The following FLNB variants were observed in gnomAD, a reference collection of about 807,000 sequenced individuals.
FLNB encodes the protein filamin-B.
A neutral mutation model predicts 250.6 loss-of-function variants in FLNB; 111 were observed. That is an observed-to-expected ratio of 0.44 (90% CI 0.38 to 0.52). The LOEUF (loss-of-function observed/expected upper bound fraction) is 0.52. Ranked by LOEUF, FLNB falls within the 20% of genes least tolerant of loss-of-function variation. The pLI is 0.00. For synonymous variants in FLNB, 1,302 were observed against 1,372.1 expected (o/e 0.95, Z 1.13); for missense variants, 2,869 against 3,447.8 (o/e 0.83, Z 4.20).
At position 58,132,900 on chromosome 3, in the gene FLNB, G is replaced by A. The variant is rs2097309808; in HGVS notation, c.4483G>A (p.Val1495Ile). Residue 1495 changes from valine (V) to isoleucine (I), a missense_variant, in exon 26 of 46, where the codon GTT becomes ATT. By Grantham distance (29) the Val-to-Ile change is conservative. Coordinates refer to ENST00000295956, the MANE Select transcript of FLNB (RefSeq NM_001457.4). The stretch of plus-strand genomic sequence containing the variant: ...TCAGGAGGGACCTTACATGGTCTCA[G>A]TTAAATATGCTGATGAAGAGATTCC... ...PSQEGPYMVS[V>I]KYADEEIPRS... 1 of 1,614,090 alleles carries A rather than the reference G, an allele frequency of 6.2e-7. No individual in the cohort carries two copies. The highest frequency in any genetic ancestry group is 1.3e-5 in the African/African-American group (1 of 75,050).
At position 58,008,555 on chromosome 3, in the gene FLNB, C is replaced by G; in HGVS notation, c.-10C>G. 1 of 1,579,580 alleles carries G rather than the reference C, an allele frequency of 6.3e-7. No individual in the cohort carries two copies. ...AGCTCGTTGCGCATTGCGCTCTCCC[C>G]GCCACCAGGATGCCGGTAACCGAGA... On this transcript the variant is annotated 5_prime_UTR_variant, in exon 1 of 46. Coordinates refer to ENST00000295956, the MANE Select transcript of FLNB (RefSeq NM_001457.4).
chr3:58,102,459 A>G (rs1300401423), intron 9 of FLNB, 119 bp downstream of exon 9: 18 of 1,178,514 alleles, frequency 1.5e-5, no homozygotes, highest in Non-Finnish European at 2.1e-5. Context: ...TATGTCAAGG[A>G]TTTGAGGCTA....
In FLNB at chr3:58,008,434, G is replaced by T; in HGVS notation, c.-131G>T. 1 of 1,122,506 alleles carries T rather than the reference G, an allele frequency of 8.9e-7. No homozygotes were observed. The allele number at this position is 1,122,506 out of a possible 1,614,324, so 69.5% of individuals were successfully genotyped here. ...GGCGGGCGGCCGCAGAGCAGCACCGGCCGTGGCTCCGGTAGCAGCAAGTTC... is the reference window on the plus strand; with the variant it reads ...GGCGGGCGGCCGCAGAGCAGCACCGTCCGTGGCTCCGGTAGCAGCAAGTTC... On this transcript the variant is annotated 5_prime_UTR_variant, in exon 1 of 46. Transcript: ENST00000295956.
intron 1 of FLNB, among the ~76,000 whole-genome samples, chr3:58,018,433 C>T (rs1445245053): frequency 7.0e-6 from 1 of 143,456 alleles, no homozygotes; most frequent in African/African-American, 2.6e-5. Flanking sequence ...CTCCGGGGTT[C>T]AAGTGATTCT....
intron 1 of FLNB, among the ~76,000 whole-genome samples, chr3:58,037,345 G>A (rs931418865): frequency 1.1e-4 from 16 of 152,178 alleles, no homozygotes; most frequent in East Asian, 7.7e-4. Context: ...GATTATAGGC[G>A]TAAGCCACCA....
At chr3:58,089,901 C>T (rs907440090) in intron 4 of FLNB, among the ~76,000 whole-genome samples, 1 of 152,082 alleles carries the variant, frequency 6.6e-6, no homozygotes, top group Non-Finnish European at 1.5e-5. Context: ...ATTCTCCTGC[C>T]TCAGCCTCCC....
chr3:58,128,187 T>C (rs1484568226), intron 24 of FLNB, among the ~76,000 whole-genome samples: 1 of 152,022 alleles, frequency 6.6e-6, no homozygotes, highest in Non-Finnish European at 1.5e-5. Context: ...GCAGCTGGAG[T>C]GTCCACTGAC....
chr3:58,068,744 G>A (rs2097189666), intron 1 of FLNB, among the ~76,000 whole-genome samples: 3 of 152,170 alleles, frequency 2.0e-5, no homozygotes, highest in African/African-American at 7.2e-5. Context: ...TCAATGTGGG[G>A]TGGTCTTGCA....
intron 8 of FLNB, among the ~76,000 whole-genome samples, chr3:58,100,780 G>A (rs1448144070): frequency 6.6e-6 from 1 of 151,634 alleles, no homozygotes; most frequent in Non-Finnish European, 1.5e-5. Flanking sequence ...TGTACTTTTA[G>A]CAGACACAGG....
chr3:58,068,730 C>T (rs1180810402), intron 1 of FLNB, among the ~76,000 whole-genome samples: 1 of 152,144 alleles, frequency 6.6e-6, no homozygotes, highest in African/African-American at 2.4e-5. Flanking sequence ...GAGATCTGAG[C>T]TCTTCAATGT....
In FLNB at chr3:58,149,243, A is replaced by C. The variant is rs530049521; in HGVS notation, c.6091+391A>C. 30 of 290,790 alleles carry C rather than the reference A, an allele frequency of 1.0e-4. No individual in the cohort carries two copies. In the East Asian group the frequency reaches 1.8e-3, roughly 17 times the overall value. 18.0% of individuals were successfully genotyped at this position (290,790 alleles called of 1,614,324 possible). On this transcript the variant is annotated intron_variant, in intron 36 of 45. Transcript: ENST00000295956. ...CTGAGCAGAGCTTTTGTGGAAATGAAGCATCTCTTTCTGTTTTCTCTTTGA... is the reference window on the plus strand; with the variant it reads ...CTGAGCAGAGCTTTTGTGGAAATGACGCATCTCTTTCTGTTTTCTCTTTGA...
intron 1 of FLNB, among the ~76,000 whole-genome samples, chr3:58,029,076 T>C (rs1354156799): frequency 6.9e-6 from 1 of 143,896 alleles, no homozygotes; most frequent in East Asian, 1.9e-4. Flanking sequence ...AGTGAGACCT[T>C]GTCTCTTAAA....
At chr3:58,138,758 A>C (rs1049254183) in intron 29 of FLNB, among the ~76,000 whole-genome samples, 2 of 152,212 alleles carry the variant, frequency 1.3e-5, no homozygotes, top group Non-Finnish European at 2.9e-5. Context: ...TGTCTATCAT[A>C]ATAAGGGACT....
At chr3:58,063,399 G>A (rs1460266780) in intron 1 of FLNB, among the ~76,000 whole-genome samples, 1 of 152,208 alleles carries the variant, frequency 6.6e-6, no homozygotes, top group Middle Eastern at 3.2e-3. Flanking sequence ...GGTGGGACGT[G>A]TGTTTGGAGG....
At chr3:58,056,684 C>A (rs546265458) in intron 1 of FLNB, among the ~76,000 whole-genome samples, 1 of 152,128 alleles carries the variant, frequency 6.6e-6, no homozygotes, top group East Asian at 1.9e-4. Flanking sequence ...TCACTGCAGT[C>A]GCCGCCTCCT....
chr3:58,139,555 G>A (rs141762961), intron 29 of FLNB, among the ~76,000 whole-genome samples: 96 of 152,222 alleles, frequency 6.3e-4, no homozygotes, highest in Non-Finnish European at 1.1e-3. Context: ...CCCTTCCATC[G>A]ACGTCTGTTT....
intron 1 of FLNB, among the ~76,000 whole-genome samples, chr3:58,059,614 G>A (rs990349926): frequency 1.3e-5 from 2 of 152,184 alleles, no homozygotes; most frequent in African/African-American, 2.4e-5. Context: ...GATATTTATC[G>A]TGTGTTTCTT....
At chr3:58,072,215 C>A (rs941430643) in intron 1 of FLNB, among the ~76,000 whole-genome samples, 1 of 152,130 alleles carries the variant, frequency 6.6e-6, no homozygotes, top group African/African-American at 2.4e-5. Context: ...AGAGCCAAGA[C>A]CAGTTATGTG....
At chr3:58,081,602 T>C in intron 3 of FLNB, 27 bp from the exon 4 acceptor site, 1 of 1,612,148 alleles carries the variant, frequency 6.2e-7, no homozygotes, top group Non-Finnish European at 8.5e-7. Flanking sequence ...GTGTTCTGGG[T>C]GTTCATCCAC....
Sources: allele counts gnomAD v4.1 joint callset (sites outside exome capture counted in the v4.1 genomes callset), GRCh38; gene constraint gnomAD v4.1.1; transcripts MANE v1.5; gene names NCBI Gene and HGNC (gene_info 2026-07-23, HGNC 2026-07-21).